The following AGBL3 variants were observed in gnomAD, a reference collection of about 807,000 sequenced individuals.
AGBL3 encodes AGBL carboxypeptidase 3, also known as cytosolic carboxypeptidase 3.
AGBL3 carries 68 observed loss-of-function variants against 94.5 expected under a neutral mutation model. The ratio of observed to expected loss-of-function variants is 0.72; its 90% CI spans 0.59 to 0.88. The LOEUF is 0.88. Among genes scored for constraint, AGBL3 ranks in the 40% least tolerant of loss-of-function variants. The probability of loss-of-function intolerance (pLI) is 0.00; values close to 1 mark genes in which losing one functional copy is unlikely to be tolerated. For synonymous variants in AGBL3, 354 were observed against 370.7 expected (o/e 0.95, Z 0.52); for missense variants, 934 against 1,103.8 (o/e 0.85, Z 2.18).
intron 8 of AGBL3, among the ~76,000 whole-genome samples, chr7:135,043,692 C>T (rs1817085215): frequency 6.6e-6 from 1 of 151,982 alleles, no homozygotes; most frequent in Non-Finnish European, 1.5e-5. Context: ...ATCTCATGTA[C>T]ACCCTGTATA....
chr7:135,039,239 AAATC>A (rs1448392167), intron 8 of AGBL3, among the ~76,000 whole-genome samples: 2 of 152,210 alleles, frequency 1.3e-5, no homozygotes, highest in Non-Finnish European at 2.9e-5. Flanking sequence ...GAATTAAACT[AAATC>A]AATAAAAGAG....
intron 12 of AGBL3, among the ~76,000 whole-genome samples, chr7:135,068,267 C>T (rs1023774105): frequency 2.6e-5 from 4 of 152,128 alleles, no homozygotes; most frequent in Admixed American, 6.6e-5. Flanking sequence ...GCTTGGTGTA[C>T]CTGAAAGTGA....
chr7:135,045,683 G>T (rs748149086), intron 10 of AGBL3, 109 bp downstream of exon 10: 13 of 1,322,172 alleles, frequency 9.8e-6, no homozygotes, highest in Non-Finnish European at 1.4e-5. Context: ...AGTGTTGTTG[G>T]GGTTTTAGCA....
At chr7:135,117,165 G>T (rs892748461) in intron 16 of AGBL3, among the ~76,000 whole-genome samples, 18 of 152,250 alleles carry the variant, frequency 1.2e-4, no homozygotes, top group African/African-American at 2.2e-4. Context: ...ATTATATTTT[G>T]ATTTGCATAA....
At chr7:135,072,955 C>T (rs28829272) in intron 12 of AGBL3, among the ~76,000 whole-genome samples, 1 of 151,142 alleles carries the variant, frequency 6.6e-6, no homozygotes, top group Non-Finnish European at 1.5e-5. Flanking sequence ...AATTTCAAAA[C>T]AAAAAAGATG....
chr7:135,028,349 C>T (rs996737775), intron 5 of AGBL3, among the ~76,000 whole-genome samples: 1 of 152,020 alleles, frequency 6.6e-6, no homozygotes, highest in African/African-American at 2.4e-5. Context: ...CCTATTAAAT[C>T]CTTAGTTTAT....
At chr7:135,055,269 T>C (rs1161264721) in intron 11 of AGBL3, among the ~76,000 whole-genome samples, 1 of 152,142 alleles carries the variant, frequency 6.6e-6, no homozygotes, top group Non-Finnish European at 1.5e-5. Context: ...TGCTGAACCA[T>C]ATTATAGTAC....
At chr7:135,128,389 G>T in intron 16 of AGBL3, 5 of 571,408 alleles carry the variant, frequency 8.8e-6, no homozygotes, top group Non-Finnish European at 1.6e-5. Flanking sequence ...TAGCAGTGAG[G>T]ATGATCAGAG....
At chr7:135,056,648 C>T (rs563572041) in intron 11 of AGBL3, among the ~76,000 whole-genome samples, 14 of 151,588 alleles carry the variant, frequency 9.2e-5, no homozygotes, top group Non-Finnish European at 1.8e-4. Flanking sequence ...TATGCTAGCA[C>T]AAAAATTTAA....
chr7:135,041,521 A>G (rs971410332), intron 8 of AGBL3, among the ~76,000 whole-genome samples: 1 of 152,200 alleles, frequency 6.6e-6, no homozygotes, highest in Non-Finnish European at 1.5e-5. Flanking sequence ...ATTTAAATAA[A>G]TAAGTGTCGG....
At chr7:135,080,381 T>C (rs1820813836) in intron 14 of AGBL3, 121 bp downstream of exon 14, 1 of 721,018 alleles carries the variant, frequency 1.4e-6, no homozygotes, top group South Asian at 1.7e-5. Flanking sequence ...ATGTATATGA[T>C]ACCATTTCTT....
intron 16 of AGBL3, among the ~76,000 whole-genome samples, chr7:135,130,960 A>T (rs978369469): frequency 2.6e-5 from 4 of 152,218 alleles, no homozygotes; most frequent in African/African-American, 9.6e-5. Flanking sequence ...ATTGAACTGC[A>T]GCTTGAGAAC....
intron 15 of AGBL3, chr7:135,094,675 A>G (rs1822384459): frequency 2.7e-6 from 1 of 367,762 alleles, no homozygotes. Flanking sequence ...TAACTCTAAA[A>G]GGAGAAAATC....
intron 12 of AGBL3, among the ~76,000 whole-genome samples, chr7:135,063,066 G>T (rs975576777): frequency 6.6e-6 from 1 of 151,970 alleles, no homozygotes; most frequent in Non-Finnish European, 1.5e-5. Context: ...CAGATGTTCT[G>T]CTTCTTCATG....
chr7:135,032,803 A>G, intron 5 of AGBL3, 41 bp from the exon 6 acceptor site: 1 of 1,506,840 alleles, frequency 6.6e-7, no homozygotes, highest in Non-Finnish European at 8.9e-7. Context: ...TTCTTACTTT[A>G]GGTATACCTT....
Position 135,037,499 on chromosome 7 carries a change from T to C in AGBL3, c.1419T>C (p.Cys473=). The C allele has an allele frequency of 1.3e-6, 2 of 1,549,948 alleles. No individual in the cohort carries two copies. The highest frequency in any genetic ancestry group is 2.7e-5 in the African/African-American group (2 of 73,044). The change falls in exon 8 of 17, where the codon TGT becomes TGC. Residue 473 remains cysteine, a synonymous_variant. Coordinates refer to ENST00000436302, the MANE Select transcript of AGBL3 (RefSeq NM_178563.4). ...AAGAGAACATCTTCATGTATGGCTG[T>C]GATGGTAGTGACAGATCTAAGACAT... The part of the protein sequence containing the change: ...SRKENIFMYG[C]DGSDRSKTLY...
intron 5 of AGBL3, among the ~76,000 whole-genome samples, chr7:135,030,223 A>G (rs920660215): frequency 6.6e-6 from 1 of 152,062 alleles, no homozygotes; most frequent in African/African-American, 2.4e-5. Context: ...GCAAAGCACA[A>G]TTTCACAAGG....
chr7:135,092,632 G>A (rs1239158449), intron 15 of AGBL3: 1 of 152,146 alleles, frequency 6.6e-6, no homozygotes, highest in Non-Finnish European at 1.5e-5. Context: ...TACTTATTGT[G>A]TTATGGGGTT....
intron 16 of AGBL3, among the ~76,000 whole-genome samples, chr7:135,128,291 C>CAAAAAAAAAAAA (rs61217008): frequency 3.4e-5 from 2 of 58,076 alleles, no homozygotes; most frequent in African/African-American, 8.1e-5. Context: ...GACTCCATCT[C>CAAAAAAAAAAAA]AAAAAAAAAA....
Sources: gnomAD v4.1 joint callset for allele counts (sites outside exome capture counted in the v4.1 genomes callset) on GRCh38, gnomAD v4.1.1 for gene constraint, MANE v1.5 for transcripts, NCBI Gene and HGNC (gene_info 2026-07-23, HGNC 2026-07-21) for gene names.